CACNB3: variants seen among roughly 807,000 people sequenced by gnomAD.
CACNB3 encodes calcium voltage-gated channel auxiliary subunit beta 3.
Under a neutral mutation model 63.7 loss-of-function variants are expected in CACNB3, and 36 were observed. The observed-to-expected ratio is 0.57, with a 90% CI of 0.43 to 0.75. The LOEUF (loss-of-function observed/expected upper bound fraction) is 0.75, where lower values mean the gene tolerates loss of function less well. Among genes scored for constraint, CACNB3 ranks in the 30% least tolerant of loss-of-function variants. The pLI is 0.00. For missense variants in CACNB3, 493 were observed against 648.6 expected (o/e 0.76, Z 2.61); for synonymous variants, 241 against 250.6 (o/e 0.96, Z 0.36).
Position 48,818,752 on chromosome 12 carries a change from G to T in CACNB3, c.-178G>T. On this transcript the variant is annotated 5_prime_UTR_variant, in exon 1 of 13. Coordinates refer to ENST00000301050, the MANE Select transcript of CACNB3 (RefSeq NM_000725.4). This position sits in a 1 kb window ranked among gnomAD's most constrained non-coding sequence, Gnocchi z 4.3. ...TGGGGTGGGGGGAGCGGTGATCTGAGCTCCGAGCAGCTGGTCTTCGCGGCT... is the reference window on the plus strand; with the variant it reads ...TGGGGTGGGGGGAGCGGTGATCTGATCTCCGAGCAGCTGGTCTTCGCGGCT... 1 of 1,332,882 alleles carries T rather than the reference G, an allele frequency of 7.5e-7. No homozygotes were observed. The highest frequency in any genetic ancestry group is 9.6e-7 in the Non-Finnish European group (1 of 1,042,796). 82.6% of individuals were successfully genotyped at this position (1,332,882 alleles called of 1,614,324 possible).
upstream of CACNB3, chr12:48,818,486 A>T: frequency 1.0e-6 from 1 of 996,780 alleles, no homozygotes; most frequent in Non-Finnish European, 1.2e-6. The surrounding 1 kb of genome is among the most constrained non-coding windows in gnomAD (Gnocchi z 4.3). Context: ...CCCTGCCCGC[A>T]GCCTCTCCTC....
At chr12:48,815,662 G>T, upstream of CACNB3, 1 of 1,534,264 alleles carries the variant, frequency 6.5e-7, no homozygotes, top group Non-Finnish European at 8.7e-7. Context: ...GCCCGGGGGA[G>T]GGGGAGAGGC....
In CACNB3 at chr12:48,818,725, G is replaced by C. The variant is rs991223059; in HGVS notation, c.-205G>C. 1.6e-6 allele frequency: 2 copies of C among 1,288,784 alleles called. No homozygotes were observed. The highest frequency in any genetic ancestry group is 2.0e-6 in the Non-Finnish European group (2 of 1,019,492). The allele number at this position is 1,288,784 out of a possible 1,614,324, so 79.8% of individuals were successfully genotyped here. A position where few individuals can be genotyped will look rare whatever the true frequency, so the allele number is the denominator to read the frequency against. ...GGGTGGGACCGGCTGGGTTTGGGGG[G>C]GTGGGGTGGGGGGAGCGGTGATCTG... On this transcript the variant is annotated 5_prime_UTR_variant, in exon 1 of 13. Coordinates refer to ENST00000301050, the MANE Select transcript of CACNB3 (RefSeq NM_000725.4). This position sits in a 1 kb window ranked among gnomAD's most constrained non-coding sequence, Gnocchi z 4.3.
At position 48,818,995 on chromosome 12, in the gene CACNB3, TG is replaced by T; in HGVS notation, c.45+26del. On this transcript the variant is annotated intron_variant, in intron 1 of 12. Transcript: ENST00000301050. The surrounding 1 kb of genome is among the most constrained non-coding windows in gnomAD (Gnocchi z 4.3). ...AGGCGGTGAGTGCCCACGATGAGGG[TG>T]GGGGCGGGGAAGTTGGGGTGACACC... 6.3e-7 allele frequency: 1 copy of T among 1,590,424 alleles called. No individual in the cohort carries two copies. The highest frequency in any genetic ancestry group is 8.6e-7 in the Non-Finnish European group (1 of 1,168,888).
upstream of CACNB3, among the ~76,000 whole-genome samples, chr12:48,818,214 C>T (rs1942334860): frequency 6.6e-6 from 1 of 152,116 alleles, no homozygotes; most frequent in Non-Finnish European, 1.5e-5. The surrounding 1 kb of genome is among the most constrained non-coding windows in gnomAD (Gnocchi z 4.3). Flanking sequence ...CCCCCGTCTG[C>T]CGCTCGTTCC....
At position 48,818,649 on chromosome 12, in the gene CACNB3, G is replaced by A. The variant is rs1442649300; in HGVS notation, c.-281G>A. 3.4e-6 allele frequency: 4 copies of A among 1,166,064 alleles called. No individual in the cohort carries two copies. The highest frequency in any genetic ancestry group is 4.2e-6 in the Non-Finnish European group (4 of 946,296). 72.2% of individuals were successfully genotyped at this position (1,166,064 alleles called of 1,614,324 possible). ...CTTCTCCCGGGGAGGGGGTCAGGTGGGCGGGCACTATTGTTGTAGGAGCCG... is the reference window on the plus strand; with the variant it reads ...CTTCTCCCGGGGAGGGGGTCAGGTGAGCGGGCACTATTGTTGTAGGAGCCG... On this transcript the variant is annotated 5_prime_UTR_variant, in exon 1 of 13. Transcript: ENST00000301050. The surrounding 1 kb of genome is among the most constrained non-coding windows in gnomAD (Gnocchi z 4.3).
rs981182972 is a variant in CACNB3, at chr12:48,828,128, G to A, written c.*229G>A. 8.5e-6 allele frequency: 5 copies of A among 584,836 alleles called. No homozygotes were observed. The highest frequency in any genetic ancestry group is 1.5e-5 in the Non-Finnish European group (5 of 327,200). 36.2% of individuals were successfully genotyped at this position (584,836 alleles called of 1,614,324 possible). On this transcript the variant is annotated 3_prime_UTR_variant, in exon 13 of 13. Coordinates refer to ENST00000301050, the MANE Select transcript of CACNB3 (RefSeq NM_000725.4). ...TACTAGGCTCCCATTCCAGGTACTA[G>A]CTGTGTGTTCTGCACCCCTGGCACC... is the stretch of plus-strand genomic sequence containing the variant.
Position 48,826,171 on chromosome 12 carries a change from A to G in CACNB3, c.743-196A>G. On this transcript the variant is annotated intron_variant, in intron 9 of 12. Coordinates refer to ENST00000301050, the MANE Select transcript of CACNB3 (RefSeq NM_000725.4). This position sits in a 1 kb window ranked among gnomAD's most constrained non-coding sequence, Gnocchi z 4.8. ...TCCTTACCTCCTTGTCTTTCTGCCC[A>G]ACTCCTCTACCTGCCCCCAGGATTG... 3.3e-6 allele frequency: 2 copies of G among 603,622 alleles called. No homozygotes were observed. Among genetic ancestry groups the G allele is most frequent in the Non-Finnish European group, 5.9e-6 (2 of 341,180 alleles). The allele number at this position is 603,622 out of a possible 1,614,324, so 37.4% of individuals were successfully genotyped here. A position where few individuals can be genotyped will look rare whatever the true frequency, so the allele number is the denominator to read the frequency against.
Position 48,825,037 on chromosome 12 carries a change from G to C in CACNB3, c.492+69G>C. On this transcript the variant is annotated intron_variant, in intron 6 of 12. Coordinates refer to ENST00000301050, the MANE Select transcript of CACNB3 (RefSeq NM_000725.4). This position sits in a 1 kb window ranked among gnomAD's most constrained non-coding sequence, Gnocchi z 4.5. Reference sequence around the variant, plus strand: ...GGCTCTGGGGACAGTGTTCTAGGCAGTCATTGTTGGAGGGCAGAACAGAGA... The same window carrying C: ...GGCTCTGGGGACAGTGTTCTAGGCACTCATTGTTGGAGGGCAGAACAGAGA... 6.3e-7 allele frequency: 1 copy of C among 1,596,310 alleles called. No homozygotes were observed. The highest frequency in any genetic ancestry group is 1.7e-4 in the Middle Eastern group (1 of 6,012).
intron 5 of CACNB3, 55 bp from the exon 6 acceptor site, chr12:48,824,894 C>T (rs1938046682): frequency 1.9e-6 from 3 of 1,606,250 alleles, no homozygotes; most frequent in Admixed American, 3.3e-5. Flanking sequence ...TACCATGCCC[C>T]CAGGGACCTT....
Position 48,823,811 on chromosome 12 carries a change from A to C in CACNB3, c.291+8A>C, listed in dbSNP as rs1592188464. On this transcript the variant is annotated splice_region_variant and intron_variant, in intron 3 of 12. Coordinates refer to ENST00000301050, the MANE Select transcript of CACNB3 (RefSeq NM_000725.4). The surrounding 1 kb of genome is among the most constrained non-coding windows in gnomAD (Gnocchi z 4.2). ...TTTCTGCACATTAAAGAGGTGATCG[A>C]CCCCCCTACTTCCAGAAGCCTCTAA... 6.2e-7 allele frequency: 1 copy of C among 1,612,220 alleles called. No individual in the cohort carries two copies. The highest frequency in any genetic ancestry group is 8.5e-7 in the Non-Finnish European group (1 of 1,179,400).
chr12:48,828,376 T>A lies in CACNB3; in HGVS notation c.*477T>A. ...TTGGCATCCAGGGCCTCCAGTCACC[T>A]CACTGCCATACATTAGAAATGAGAC... On this transcript the variant is annotated 3_prime_UTR_variant, in exon 13 of 13. Coordinates refer to ENST00000301050, the MANE Select transcript of CACNB3 (RefSeq NM_000725.4). 3.1e-6 allele frequency: 1 copy of A among 318,890 alleles called. No individual in the cohort carries two copies. Among genetic ancestry groups the A allele is most frequent in the Non-Finnish European group, 6.2e-6 (1 of 161,368 alleles). 19.8% of individuals were successfully genotyped at this position (318,890 alleles called of 1,614,324 possible). A position where few individuals can be genotyped will look rare whatever the true frequency, so the allele number is the denominator to read the frequency against.
Position 48,826,715 on chromosome 12 carries a change from G to C in CACNB3, c.895-44G>C. 6.5e-7 allele frequency: 1 copy of C among 1,539,808 alleles called. No homozygotes were observed. The highest frequency in any genetic ancestry group is 1.4e-5 in the African/African-American group (1 of 73,536). ...CTCTGCCCGGGCTCAGCTCTGCCCA[G>C]AGTCCTGAGAGACTCCAGGCCTAGC... On this transcript the variant is annotated intron_variant, in intron 10 of 12. Coordinates refer to ENST00000301050, the MANE Select transcript of CACNB3 (RefSeq NM_000725.4). The surrounding 1 kb of genome is among the most constrained non-coding windows in gnomAD (Gnocchi z 4.8).
Position 48,824,967 on chromosome 12 carries a change from A to G in CACNB3, c.491A>G (p.Gln164Arg). Residue 164 changes from glutamine to arginine, a missense_variant and splice_region_variant, in exon 6 of 13, where the codon CAG becomes CGG. Coordinates refer to ENST00000301050, the MANE Select transcript of CACNB3 (RefSeq NM_000725.4). ...CAAAAAGCCAAGCAGAAGCAAAAGCAGGTGAGTCAAGGAAGGGACCTGGGC... is the reference window on the plus strand; with the variant it reads ...CAAAAAGCCAAGCAGAAGCAAAAGCGGGTGAGTCAAGGAAGGGACCTGGGC... ...PPSLAKQKQK[Q>R]AEHVPPYDVV... 6.2e-7 allele frequency: 1 copy of G among 1,613,448 alleles called. No homozygotes were observed. Among genetic ancestry groups the G allele is most frequent in the Non-Finnish European group, 8.5e-7 (1 of 1,179,866 alleles).
chr12:48,825,823 TTCC>T lies in CACNB3; in HGVS notation c.742+61_742+63del. On this transcript the variant is annotated intron_variant, in intron 9 of 12. Coordinates refer to ENST00000301050, the MANE Select transcript of CACNB3 (RefSeq NM_000725.4). This position sits in a 1 kb window ranked among gnomAD's most constrained non-coding sequence, Gnocchi z 4.5. ...GCCCACTCAAGTGCCAGTGAGAACCTTCCTCCTCCCTTTTCTTTTTTTTGAGAT... is the reference window on the plus strand; with the variant it reads ...GCCCACTCAAGTGCCAGTGAGAACCTTCCTCCCTTTTCTTTTTTTTGAGAT... 2 of 1,255,366 alleles carry T rather than the reference TTCC, an allele frequency of 1.6e-6. No homozygotes were observed. The highest frequency in any genetic ancestry group is 1.2e-5 in the South Asian group (1 of 82,748). 77.8% of individuals were successfully genotyped at this position (1,255,366 alleles called of 1,614,324 possible).
Position 48,825,120 on chromosome 12 carries a change from C to A in CACNB3, c.493-43C>A. The A allele has an allele frequency of 6.2e-7, 1 of 1,604,234 alleles. No individual in the cohort carries two copies. On this transcript the variant is annotated intron_variant, in intron 6 of 12. Coordinates refer to ENST00000301050, the MANE Select transcript of CACNB3 (RefSeq NM_000725.4). This position sits in a 1 kb window ranked among gnomAD's most constrained non-coding sequence, Gnocchi z 4.5. ...TGACGCCAACCAGGCATGAGACAGGCACCAGGGCCATGGTTTCTACTGACC... is the reference window on the plus strand; with the variant it reads ...TGACGCCAACCAGGCATGAGACAGGAACCAGGGCCATGGTTTCTACTGACC...
In CACNB3 at chr12:48,827,603, G is replaced by A. The variant is rs748470816; in HGVS notation, c.1159G>A (p.Glu387Lys). 1.2e-5 allele frequency: 19 copies of A among 1,612,666 alleles called. No individual in the cohort carries two copies. The highest frequency in any genetic ancestry group is 7.7e-5 in the South Asian group (7 of 91,064). ...CCCCCAGAACCAGCAGCTGCTGGGGGAGCGTGGCGAGGAGCACTCCCCCCT... is the reference window on the plus strand; with the variant it reads ...CCCCCAGAACCAGCAGCTGCTGGGGAAGCGTGGCGAGGAGCACTCCCCCCT... ...PGLQNQQLLG[E>K]RGEEHSPLER... Residue 387 changes from glutamate (E) to lysine (K), a missense_variant, in exon 13 of 13, where the codon GAG becomes AAG. Glu to Lys is a moderately conservative substitution (Grantham distance 56). Transcript: ENST00000301050.
Position 48,824,663 on chromosome 12 carries a change from T to C in CACNB3, c.408-6T>C, listed in dbSNP as rs1490824646. 1.2e-6 allele frequency: 2 copies of C among 1,612,984 alleles called. No homozygotes were observed. Among genetic ancestry groups the C allele is most frequent in the Admixed American group, 3.3e-5 (2 of 59,968 alleles). ...CTCTCTCTCTTTCACCTCCCTTTCTTCTCAGGAGATCTGGGAACCCTTCCA... is the reference window on the plus strand; with the variant it reads ...CTCTCTCTCTTTCACCTCCCTTTCTCCTCAGGAGATCTGGGAACCCTTCCA... On this transcript the variant is annotated splice_region_variant and splice_polypyrimidine_tract_variant and intron_variant, in intron 4 of 12. Coordinates refer to ENST00000301050, the MANE Select transcript of CACNB3 (RefSeq NM_000725.4).
chr12:48,815,602 A>G, upstream of CACNB3: 2 of 1,524,768 alleles, frequency 1.3e-6, no homozygotes, highest in Non-Finnish European at 1.8e-6. Flanking sequence ...TGCAGGCGGG[A>G]GCAGCGTGCA....
Sources: allele counts gnomAD v4.1 joint callset (sites outside exome capture counted in the v4.1 genomes callset), GRCh38; gene constraint gnomAD v4.1.1; non-coding constraint Gnocchi (gnomAD v3.1); transcripts MANE v1.5; gene names NCBI Gene and HGNC (gene_info 2026-07-23, HGNC 2026-07-21).